VNN2: variants seen among roughly 807,000 people sequenced by gnomAD.
VNN2 encodes pantetheine hydrolase VNN2.
In VNN2, 43 loss-of-function variants were observed where a neutral mutation model predicts 43.0. That is an observed-to-expected ratio of 1.00 (90% CI 0.78 to 1.29). The LOEUF is 1.29. Ranked by LOEUF, VNN2 falls within the 50% of genes most tolerant of loss-of-function variation. VNN2 has a pLI of 0.00. For missense variants in VNN2, 652 were observed against 619.7 expected, an observed-to-expected ratio of 1.05 and a Z score of -0.55; for synonymous variants, 230 against 224.3, an observed-to-expected ratio of 1.03 and a Z score of -0.23.
chr6:132,760,451 T>C (rs1187276033), upstream of VNN2, among the ~76,000 whole-genome samples: 3 of 152,142 alleles, frequency 2.0e-5, no homozygotes, highest in Admixed American at 1.3e-4. Flanking sequence ...GCTGAGATTA[T>C]AGGTGTCAGT....
rs1307695123 is a variant in VNN2 at position 132,744,343 on chromosome 6, A to C, written c.1520T>G (p.Ile507Arg). The C allele has an allele frequency of 6.2e-7, 1 of 1,612,822 alleles. No homozygotes were observed. The highest frequency in any genetic ancestry group is 8.5e-7 in the Non-Finnish European group (1 of 1,179,712). The change falls in exon 7 of 7, where the codon ATA becomes AGA. Residue 507 changes from isoleucine to arginine, a missense_variant. Physicochemically the swap from Ile to Arg is moderately conservative, Grantham distance 97. Transcript: ENST00000326499. The stretch of plus-strand genomic sequence containing the variant: ...TTGCAAAGCTATGATCATTAATAAT[A>C]TGAATATTAGCAGGTAAGTTATTGC... ...NSAITYLLIFILLMIIALQNI... is the reference protein window; with the variant it reads ...NSAITYLLIFRLLMIIALQNI...
upstream of VNN2, chr6:132,758,018 C>CTTTTTTA (rs1332482113): frequency 1.3e-5 from 2 of 158,986 alleles, no homozygotes; most frequent in Admixed American, 1.9e-4. Context: ...TCTTCTTCTT[C>CTTTTTTA]TTCTTCTTCT....
At chr6:132,753,039 T>C in intron 3 of VNN2, 1 of 304,178 alleles carries the variant, frequency 3.3e-6, no homozygotes, top group Non-Finnish European at 6.1e-6. Flanking sequence ...AAGCTTTTTT[T>C]AAATTTAATT....
At chr6:132,752,157 T>G (rs1780148752) in intron 4 of VNN2, among the ~76,000 whole-genome samples, 1 of 152,166 alleles carries the variant, frequency 6.6e-6, no homozygotes, top group Non-Finnish European at 1.5e-5. Flanking sequence ...CTGAGGAAAG[T>G]AGTAGCTGGG....
chr6:132,751,269 G>A lies in VNN2; in HGVS notation c.1076C>T (p.Thr359Ile). 1.2e-6 allele frequency: 2 copies of A among 1,614,144 alleles called. No individual in the cohort carries two copies. The highest frequency in any genetic ancestry group is 8.5e-7 in the Non-Finnish European group (1 of 1,180,030). ...ACAGCAAAGCTCCTTTTGACAGACT[G>A]TAAGGTTTCCTGCATTTTCAAAAAG... ...TELFENAGNL[T>I]VCQKELCCHL... The change falls in exon 5 of 7, where the codon ACA becomes ATA. Residue 359 changes from threonine to isoleucine, a missense_variant. Coordinates refer to ENST00000326499, the MANE Select transcript of VNN2 (RefSeq NM_004665.6).
chr6:132,753,508 A>G (rs1780261187), intron 3 of VNN2: 1 of 454,356 alleles, frequency 2.2e-6, no homozygotes, highest in South Asian at 1.6e-5. Context: ...AAATTACCAT[A>G]GAAATGTATT....
At position 132,751,416 on chromosome 6, in the gene VNN2, G is replaced by T. The variant is rs1024153493; in HGVS notation, c.929C>A (p.Ser310Tyr). ...AACAGCTGTTGGGTAGGCAAGCGAG[G>T]ATAGGGGATGTGAATCCACCTCTGA... The part of the protein sequence containing the change: ...LLSEVDSHPL[S>Y]SLAYPTAVNW... Residue 310 changes from serine to tyrosine, a missense_variant, in exon 5 of 7, where the codon TCC (serine) becomes TAC (tyrosine). Ser to Tyr is a moderately radical substitution (Grantham distance 144, BLOSUM62 -2). Coordinates refer to ENST00000326499, the MANE Select transcript of VNN2 (RefSeq NM_004665.6). 1.2e-6 allele frequency: 2 copies of T among 1,614,048 alleles called. No individual in the cohort carries two copies. Among genetic ancestry groups the T allele is most frequent in the African/African-American group, 2.7e-5 (2 of 74,908 alleles).
chr6:132,748,126 T>C (rs1274214478), intron 6 of VNN2, among the ~76,000 whole-genome samples: 2 of 152,226 alleles, frequency 1.3e-5, no homozygotes, highest in African/African-American at 4.8e-5. Context: ...CTAGACCCTA[T>C]GTCCTCCTAA....
chr6:132,755,917 G>C lies in VNN2; in HGVS notation c.463C>G (p.Pro155Ala). Residue 155 changes from proline to alanine, a missense_variant, in exon 3 of 7, where the codon CCT becomes GCT. By Grantham distance (27) the Pro-to-Ala change is conservative. Coordinates refer to ENST00000326499, the MANE Select transcript of VNN2 (RefSeq NM_004665.6). ...PCNSRDSTCP[P>A]NGYFQYNTNV... ...GTATTGTATTGAAAGTAGCCATTAG[G>C]AGGACATGTGGAGTCACGGGAATTA... The C allele has an allele frequency of 6.2e-7, 1 of 1,614,020 alleles. No homozygotes were observed. The highest frequency in any genetic ancestry group is 8.5e-7 in the Non-Finnish European group (1 of 1,180,016).
chr6:132,758,000 T>TTTCTTCTTCTTCTTCTTC (rs60545394), upstream of VNN2: 522 of 341,700 alleles, frequency 1.5e-3, 61 homozygotes, highest in African/African-American at 9.1e-3. Flanking sequence ...TATCATCATT[T>TTTCTTCTTCTTCTTCTTC]TTCTTCTTCT....
chr6:132,752,734 C>T lies in VNN2; in HGVS notation c.553G>A (p.Glu185Lys), dbSNP rs1186677337. 1.9e-6 allele frequency: 3 copies of T among 1,613,740 alleles called. No individual in the cohort carries two copies. The highest frequency in any genetic ancestry group is 2.5e-6 in the Non-Finnish European group (3 of 1,179,874). ...TTTTCAGGGACATTAAACTGAGGCT[C>T]AGAGTACAGGTGGTACTACAACAAA... ...ARYHKYHLYS[E>K]PQFNVPEKPE... The change falls in exon 4 of 7, where the codon GAG becomes AAG. Residue 185 changes from glutamate to lysine, a missense_variant. Coordinates refer to ENST00000326499, the MANE Select transcript of VNN2 (RefSeq NM_004665.6).
At chr6:132,759,748 A>G (rs980875382), upstream of VNN2, among the ~76,000 whole-genome samples, 1 of 152,230 alleles carries the variant, frequency 6.6e-6, no homozygotes, top group Non-Finnish European at 1.5e-5. Flanking sequence ...AGAAGTTTCT[A>G]TTAAAGGAAT....
At chr6:132,749,051 A>C (rs1467015633) in intron 6 of VNN2, among the ~76,000 whole-genome samples, 1 of 152,192 alleles carries the variant, frequency 6.6e-6, no homozygotes, top group Non-Finnish European at 1.5e-5. Context: ...AGTTCTAGGT[A>C]TGTTCTTTAT....
chr6:132,752,720 A>T lies in VNN2; in HGVS notation c.567T>A (p.Asn189Lys). ...KYHLYSEPQFNVPEKPELVTF... is the reference protein window; with the variant it reads ...KYHLYSEPQFKVPEKPELVTF... ...TCACCAACTCCGGCTTTTCAGGGAC[A>T]TTAAACTGAGGCTCAGAGTACAGGT... The change falls in exon 4 of 7, where the codon AAT becomes AAA. Residue 189 changes from asparagine (N) to lysine (K), a missense_variant. Asn to Lys is a moderately conservative substitution (Grantham distance 94). Transcript: ENST00000326499. The T allele has an allele frequency of 1.2e-6, 2 of 1,614,122 alleles. No individual in the cohort carries two copies. Among genetic ancestry groups the T allele is most frequent in the Non-Finnish European group, 1.7e-6 (2 of 1,179,978 alleles).
At chr6:132,755,384 T>C (rs1000929920) in intron 3 of VNN2, among the ~76,000 whole-genome samples, 2 of 37,952 alleles carry the variant, frequency 5.3e-5, no homozygotes, top group African/African-American at 5.4e-4. Flanking sequence ...CTTTTTTTTC[T>C]TTTTTTTTTT....
chr6:132,760,036 G>A (rs535715855), upstream of VNN2, among the ~76,000 whole-genome samples: 87 of 152,344 alleles, frequency 5.7e-4, no homozygotes, highest in African/African-American at 2.0e-3. Context: ...GAGAGCTAGA[G>A]CGACAGAGCA....
intron 6 of VNN2, 50 bp from the exon 7 acceptor site, chr6:132,744,541 A>G (rs761513900): frequency 2.0e-6 from 3 of 1,505,088 alleles, no homozygotes; most frequent in Non-Finnish European, 2.7e-6. Flanking sequence ...CATAGAAGTT[A>G]AAAGCAAATT....
intron 5 of VNN2, 47 bp from the exon 6 acceptor site, chr6:132,749,912 T>C: frequency 6.5e-7 from 1 of 1,527,992 alleles, no homozygotes; most frequent in Non-Finnish European, 8.9e-7. Flanking sequence ...ACATTGAAGT[T>C]ACTCATACCA....
In VNN2 at chr6:132,744,062, T is replaced by C. The variant is rs749050445; in HGVS notation, c.*238A>G. 2 of 334,752 alleles carry C rather than the reference T, an allele frequency of 6.0e-6. No homozygotes were observed. The highest frequency in any genetic ancestry group is 5.3e-6 in the Non-Finnish European group (1 of 187,566). 20.7% of individuals were successfully genotyped at this position (334,752 alleles called of 1,614,324 possible). A position where few individuals can be genotyped will look rare whatever the true frequency, so the allele number is the denominator to read the frequency against. On this transcript the variant is annotated 3_prime_UTR_variant, in exon 7 of 7. Coordinates refer to ENST00000326499, the MANE Select transcript of VNN2 (RefSeq NM_004665.6). ...GGAGCTGGAGTTTGATCTTCATTTA[T>C]CTGACCCAAACACCCAGGCTCTTTC...
Sources: allele counts gnomAD v4.1 joint callset (sites outside exome capture counted in the v4.1 genomes callset), GRCh38; gene constraint gnomAD v4.1.1; transcripts MANE v1.5; gene names NCBI Gene and HGNC (gene_info 2026-07-23, HGNC 2026-07-21).